MEGF9: variants seen among roughly 807,000 people sequenced by gnomAD.
The protein encoded by MEGF9 is multiple EGF like domains 9.
MEGF9 carries 6 observed loss-of-function variants against 46.8 expected under a neutral mutation model. That is an observed-to-expected ratio of 0.13 (90% CI 0.07 to 0.25). The LOEUF (loss-of-function observed/expected upper bound fraction) is 0.25. Among genes scored for constraint, MEGF9 ranks in the 10% least tolerant of loss-of-function variants. The probability of loss-of-function intolerance (pLI) is 1.00; values close to 1 mark genes in which losing one functional copy is unlikely to be tolerated. For missense variants in MEGF9, 683 were observed against 792.4 expected, an observed-to-expected ratio of 0.86 and a Z score of 1.66; for synonymous variants, 302 against 330.7, an observed-to-expected ratio of 0.91 and a Z score of 0.94.
At chr9:120,622,417 C>CTTTTT (rs59380409) in intron 3 of MEGF9, among the ~76,000 whole-genome samples, 199 bp downstream of exon 3, 1,515 of 101,140 alleles carry the variant, frequency 0.015, 43 homozygotes, top group African/African-American at 0.052. Context: ...AGGTATATGA[C>CTTTTT]TTTTTTTTTT....
At position 120,713,887 on chromosome 9, in the gene MEGF9, T is replaced by C. The variant is rs759690894; in HGVS notation, c.472A>G (p.Thr158Ala). ...GCCGGTACGGTGGTCGCTACAGGGGTGGTCGGCGCCGGGCCAGTGGTCGTC... is the reference window on the plus strand; with the variant it reads ...GCCGGTACGGTGGTCGCTACAGGGGCGGTCGGCGCCGGGCCAGTGGTCGTC... ...LSTTTGPAPT[T>A]PVATTVPAPT... is the part of the protein sequence containing the mutation. The change falls in exon 1 of 6, where the codon ACC (threonine) becomes GCC (alanine). Residue 158 changes from threonine (T) to alanine (A), a missense_variant. Thr to Ala is a moderately conservative substitution (Grantham distance 58). Around this residue, in one of 2 missense-constraint regions of MEGF9, gnomAD observed 370 missense variants for 371.3 expected, o/e 1.00. Coordinates refer to ENST00000373930, the MANE Select transcript of MEGF9 (RefSeq NM_001080497.3). 5 of 1,317,848 alleles carry C rather than the reference T, an allele frequency of 3.8e-6. No individual in the cohort carries two copies. In the Admixed American group the frequency reaches 9.1e-5, roughly 24 times the overall value. The allele number at this position is 1,317,848 out of a possible 1,614,324, so 81.6% of individuals were successfully genotyped here. A position where few individuals can be genotyped will look rare whatever the true frequency, so the allele number is the denominator to read the frequency against.
intron 1 of MEGF9, among the ~76,000 whole-genome samples, chr9:120,707,014 C>T (rs1016416230): frequency 6.6e-6 from 1 of 152,104 alleles, no homozygotes; most frequent in Non-Finnish European, 1.5e-5. Flanking sequence ...TCTTTAAATG[C>T]CAATAATATG....
rs752980924 is a variant in MEGF9, at chr9:120,607,943, T to C, written c.1155A>G (p.Lys385=). ...KDGYIGPNCN[K]CENGYYNFDS... ...CAAAATTGTAATAGCCATTTTCACATTTATTGCAGTTCGGGCCTATGTAAC... is the reference window on the plus strand; with the variant it reads ...CAAAATTGTAATAGCCATTTTCACACTTATTGCAGTTCGGGCCTATGTAAC... The change falls in exon 5 of 6, where the codon AAA becomes AAG. Residue 385 remains lysine, a synonymous_variant. Coordinates refer to ENST00000373930, the MANE Select transcript of MEGF9 (RefSeq NM_001080497.3). 5 of 1,613,912 alleles carry C rather than the reference T, an allele frequency of 3.1e-6. No individual in the cohort carries two copies. The Admixed American group carries it at 8.3e-5, about 27-fold the overall frequency.
intron 2 of MEGF9, among the ~76,000 whole-genome samples, chr9:120,637,293 C>T (rs890648617): frequency 3.3e-5 from 5 of 152,012 alleles, no homozygotes; most frequent in African/African-American, 1.2e-4. Context: ...TGTGGAAGGC[C>T]GCAGGGTCCT....
At chr9:120,618,512 A>G (rs1277917966) in intron 3 of MEGF9, among the ~76,000 whole-genome samples, 1 of 152,138 alleles carries the variant, frequency 6.6e-6, no homozygotes, top group Non-Finnish European at 1.5e-5. Context: ...ATATCCCCCC[A>G]CTTCCATTTT....
chr9:120,670,350 G>A (rs1415626206), intron 1 of MEGF9, among the ~76,000 whole-genome samples: 2 of 152,142 alleles, frequency 1.3e-5, no homozygotes, highest in African/African-American at 4.8e-5. Flanking sequence ...GCCCACCTCA[G>A]CCTCCTAAAG....
At chr9:120,635,238 T>C (rs2132310295) in intron 2 of MEGF9, among the ~76,000 whole-genome samples, 1 of 152,344 alleles carries the variant, frequency 6.6e-6, no homozygotes, top group African/African-American at 2.4e-5. Flanking sequence ...TTGTTGTGTT[T>C]AGAATTCTCT....
At position 120,603,747 on chromosome 9, in the gene MEGF9, C is replaced by G. The variant is rs1387777620; in HGVS notation, c.*1443G>C. Reference sequence around the variant, plus strand: ...AAAAAACTCCATCAAAAAGCAAGAACTAACTAGACACACCCATCTACAAAG... The same window carrying G: ...AAAAAACTCCATCAAAAAGCAAGAAGTAACTAGACACACCCATCTACAAAG... On this transcript the variant is annotated 3_prime_UTR_variant, in exon 6 of 6. Coordinates refer to ENST00000373930, the MANE Select transcript of MEGF9 (RefSeq NM_001080497.3). 2 of 152,448 alleles carry G rather than the reference C, an allele frequency of 1.3e-5. No individual in the cohort carries two copies. Among genetic ancestry groups the G allele is most frequent in the East Asian group, 3.8e-4 (2 of 5,198 alleles). 9.4% of individuals were successfully genotyped at this position (152,448 alleles called of 1,614,324 possible). A position where few individuals can be genotyped will look rare whatever the true frequency, so the allele number is the denominator to read the frequency against.
intron 1 of MEGF9, among the ~76,000 whole-genome samples, chr9:120,677,605 C>G (rs748168948): frequency 2.2e-4 from 34 of 152,178 alleles, no homozygotes; most frequent in Non-Finnish European, 4.3e-4. Context: ...GCCAAAGACA[C>G]AATCATGAGT....
At chr9:120,619,640 A>G (rs2043489416) in intron 3 of MEGF9, among the ~76,000 whole-genome samples, 1 of 152,232 alleles carries the variant, frequency 6.6e-6, no homozygotes, top group Admixed American at 6.5e-5. Flanking sequence ...TGGGTTGCCT[A>G]ACTTTTTAAA....
chr9:120,606,737 T>A lies in MEGF9; in HGVS notation c.1357+1004A>T, dbSNP rs914520841. 3.9e-5 allele frequency among the ~76,000 whole-genome samples: 6 copies of A among 152,306 alleles called. 1 individual carries two copies. The South Asian group carries it at 1.2e-3, about 32-fold the overall frequency. ...GGAAGGATTAAATGAAATAATATAC[T>A]ACACAGCATTATCACATTTAATGCT... On this transcript the variant is annotated intron_variant, in intron 5 of 5. Coordinates refer to ENST00000373930, the MANE Select transcript of MEGF9 (RefSeq NM_001080497.3).
At chr9:120,677,975 T>G (rs775219561) in intron 1 of MEGF9, among the ~76,000 whole-genome samples, 2 of 152,210 alleles carry the variant, frequency 1.3e-5, no homozygotes, top group Non-Finnish European at 2.9e-5. Context: ...ATTCTCTATC[T>G]CTATGAGTTC....
rs189124949 is a variant in MEGF9 at position 120,637,663 on chromosome 9, G to A, written c.804-14908C>T. Among the ~76,000 whole-genome samples, 889 of 150,784 alleles carry A rather than the reference G, an allele frequency of 5.9e-3. 6 individuals are homozygous for A. Among genetic ancestry groups the A allele is most frequent in the Non-Finnish European group, 0.01 (702 of 67,648 alleles). ...AAAAATTAGCTGGGCATGGTGGTGG[G>A]TGCCTGTAATCCCAGCTACTCAGGA... On this transcript the variant is annotated intron_variant, in intron 2 of 5. Coordinates refer to ENST00000373930, the MANE Select transcript of MEGF9 (RefSeq NM_001080497.3).
At position 120,601,151 on chromosome 9, in the gene MEGF9, T is replaced by C. The variant is rs540997830; in HGVS notation, c.*4039A>G. 1.3e-5 allele frequency: 2 copies of C among 152,776 alleles called. No homozygotes were observed. The highest frequency in any genetic ancestry group is 2.4e-5 in the African/African-American group (1 of 41,576). 9.5% of individuals were successfully genotyped at this position (152,776 alleles called of 1,614,324 possible). On this transcript the variant is annotated 3_prime_UTR_variant, in exon 6 of 6. Coordinates refer to ENST00000373930, the MANE Select transcript of MEGF9 (RefSeq NM_001080497.3). ...GCTCGGCCTATAATTTAATGTATTA[T>C]AGAGTGCTTATGCCTAGCATTACAA...
At chr9:120,628,626 G>C (rs2043537585) in intron 2 of MEGF9, among the ~76,000 whole-genome samples, 1 of 151,900 alleles carries the variant, frequency 6.6e-6, no homozygotes, top group South Asian at 2.1e-4. Flanking sequence ...CTGCATATGA[G>C]GTGGGTTGTT....
chr9:120,654,851 G>A (rs2043669256), intron 2 of MEGF9, among the ~76,000 whole-genome samples: 1 of 152,088 alleles, frequency 6.6e-6, no homozygotes, highest in Admixed American at 6.6e-5. Context: ...CTAGGCTAAT[G>A]TGTATATTTA....
At chr9:120,675,035 T>C (rs2132329941) in intron 1 of MEGF9, among the ~76,000 whole-genome samples, 1 of 152,238 alleles carries the variant, frequency 6.6e-6, no homozygotes, top group South Asian at 2.1e-4. Flanking sequence ...CCAGCCATCA[T>C]GTCTGGCTAA....
intron 1 of MEGF9, among the ~76,000 whole-genome samples, chr9:120,709,620 A>G (rs929715515): frequency 6.6e-6 from 1 of 152,200 alleles, no homozygotes; most frequent in East Asian, 1.9e-4. Context: ...CAACGGGCAG[A>G]GCCAGATCAA....
intron 4 of MEGF9, among the ~76,000 whole-genome samples, chr9:120,611,903 A>AAGAC (rs2043449194): frequency 6.6e-6 from 1 of 151,196 alleles, no homozygotes; most frequent in Non-Finnish European, 1.5e-5. Context: ...GAAAGAAAGA[A>AAGAC]AGGAAAAAAT....
Sources: allele counts gnomAD v4.1 joint callset (sites outside exome capture counted in the v4.1 genomes callset), GRCh38; gene constraint gnomAD v4.1.1; regional missense constraint gnomAD v4.1.1; transcripts MANE v1.5; gene names NCBI Gene and HGNC (gene_info 2026-07-23, HGNC 2026-07-21).